Variants in CSGALNACT1 observed in about 807,000 individuals in gnomAD.
CSGALNACT1 encodes the protein beta4GalNAcT-1.
A neutral mutation model predicts 51.0 loss-of-function variants in CSGALNACT1; 52 were observed. The ratio of observed to expected loss-of-function variants is 1.02; its 90% CI spans 0.82 to 1.29. The LOEUF is 1.29. Ranked by LOEUF, CSGALNACT1 falls within the 50% of genes most tolerant of loss-of-function variation. CSGALNACT1 has a pLI of 0.00. For synonymous variants in CSGALNACT1, 341 were observed against 254.4 expected (o/e 1.34, Z -3.24); for missense variants, 935 against 679.2 (o/e 1.38, Z -4.19).
intron 1 of CSGALNACT1, among the ~76,000 whole-genome samples, chr8:19,672,396 G>A (rs1388982806): frequency 6.6e-6 from 1 of 152,208 alleles, no homozygotes; most frequent in Non-Finnish European, 1.5e-5. Context: ...CAGCCAGGGA[G>A]ATGCCTGGCA....
chr8:19,485,923 C>G (rs1040225491), intron 4 of CSGALNACT1, among the ~76,000 whole-genome samples: 1 of 151,640 alleles, frequency 6.6e-6, no homozygotes, highest in Non-Finnish European at 1.5e-5. Context: ...CACGCCACCA[C>G]ATCTGGCTAA....
In CSGALNACT1 at chr8:19,718,392, G is replaced by A. The variant is rs567036598; in HGVS notation, c.-297+39458C>T. ...GCTGAGTTTACAGGCGTGAGCCACC[G>A]AGCCTGGCCACAGGCTTTCTATTTC... On this transcript the variant is annotated intron_variant, in intron 1 of 1. Coordinates refer to the CSGALNACT1 transcript ENST00000517494. Among the ~76,000 whole-genome samples the A allele has an allele frequency of 2.1e-3, 327 of 152,198 alleles. 1 individual carries two copies. The highest frequency in any genetic ancestry group is 3.2e-3 in the Non-Finnish European group (216 of 68,018).
chr8:19,627,771 G>A (rs986931541), intron 1 of CSGALNACT1, among the ~76,000 whole-genome samples: 1 of 152,184 alleles, frequency 6.6e-6, no homozygotes, highest in Non-Finnish European at 1.5e-5. Flanking sequence ...GCTGCAGTGA[G>A]CTATGGTTAC....
chr8:19,443,246 G>A lies in CSGALNACT1; in HGVS notation c.852-3315C>T, dbSNP rs375777691. 2.6e-4 allele frequency among the ~76,000 whole-genome samples: 39 copies of A among 152,306 alleles called. No homozygotes were observed. In the East Asian group the frequency reaches 2.9e-3, roughly 11 times the overall value. ...TATGTATATGTGTATGTATGTAAACGCAGGTGTGTATGTGTAAATGTGAAT... is the reference window on the plus strand; with the variant it reads ...TATGTATATGTGTATGTATGTAAACACAGGTGTGTATGTGTAAATGTGAAT... On this transcript the variant is annotated intron_variant, in intron 5 of 9. Coordinates refer to ENST00000454498, the Ensembl canonical transcript of CSGALNACT1.
At chr8:19,557,867 C>T (rs1037249646) in intron 3 of CSGALNACT1, among the ~76,000 whole-genome samples, 2 of 152,208 alleles carry the variant, frequency 1.3e-5, no homozygotes, top group African/African-American at 4.8e-5. Context: ...TCAGTACATA[C>T]AACAGTATCT....
intron 5 of CSGALNACT1, among the ~76,000 whole-genome samples, chr8:19,452,560 C>G (rs1297952053): frequency 6.6e-6 from 1 of 152,094 alleles, no homozygotes; most frequent in Non-Finnish European, 1.5e-5. Flanking sequence ...ATGCATCTCC[C>G]CCACATCCCA....
intron 3 of CSGALNACT1, among the ~76,000 whole-genome samples, chr8:19,558,141 C>T (rs540902583): frequency 2.6e-5 from 4 of 152,180 alleles, no homozygotes; most frequent in Admixed American, 1.3e-4. Context: ...TGATCACCAC[C>T]ACAGAATGTT....
At chr8:19,448,670 G>A (rs1282894465) in intron 5 of CSGALNACT1, among the ~76,000 whole-genome samples, 8 of 152,082 alleles carry the variant, frequency 5.3e-5, no homozygotes, top group South Asian at 2.1e-4. Context: ...TAGCCACCCC[G>A]CACATGAACA....
upstream of CSGALNACT1, among the ~76,000 whole-genome samples, chr8:19,685,824 A>G (rs1448581200): frequency 6.6e-6 from 1 of 152,158 alleles, no homozygotes; most frequent in Non-Finnish European, 1.5e-5. Flanking sequence ...AAGGAGTGGG[A>G]AGAGGTAGTT....
intron 5 of CSGALNACT1, among the ~76,000 whole-genome samples, chr8:19,441,048 A>AC (rs1289347648): frequency 6.6e-6 from 1 of 152,182 alleles, no homozygotes; most frequent in Non-Finnish European, 1.5e-5. Flanking sequence ...ACTACAAACC[A>AC]CTGCTCAATG....
intron 1 of CSGALNACT1, among the ~76,000 whole-genome samples, chr8:19,666,976 AAAG>A (rs2059340204): frequency 1.9e-4 from 2 of 10,714 alleles, no homozygotes; most frequent in Non-Finnish European, 1.7e-4. Context: ...AGAAAGAAAG[AAAG>A]AAAGAAAGAA....
At chr8:19,474,029 C>T (rs1446533725) in intron 4 of CSGALNACT1, among the ~76,000 whole-genome samples, 2 of 152,236 alleles carry the variant, frequency 1.3e-5, no homozygotes, top group Non-Finnish European at 2.9e-5. Context: ...TCATTTATCT[C>T]AAACTGGTAC....
intron 4 of CSGALNACT1, among the ~76,000 whole-genome samples, chr8:19,472,887 T>G (rs1002727964): frequency 1.3e-5 from 2 of 152,230 alleles, no homozygotes; most frequent in Non-Finnish European, 2.9e-5. Flanking sequence ...AGGGTTACTT[T>G]GAAGATTAAA....
intron 1 of CSGALNACT1, chr8:19,641,706 A>G (rs1006637648): frequency 2.0e-5 from 3 of 152,208 alleles, no homozygotes; most frequent in Non-Finnish European, 4.4e-5. Context: ...CCTTAAATGC[A>G]TTTACAAAAC....
chr8:19,618,492 T>C (rs1040051323), intron 1 of CSGALNACT1, among the ~76,000 whole-genome samples: 2 of 151,254 alleles, frequency 1.3e-5, no homozygotes, highest in African/African-American at 4.8e-5. Flanking sequence ...ATATAAAAAT[T>C]AGCCAGGCTC....
chr8:19,596,364 A>C (rs1023420378), intron 2 of CSGALNACT1, among the ~76,000 whole-genome samples: 33 of 152,238 alleles, frequency 2.2e-4, no homozygotes, highest in African/African-American at 7.7e-4. Flanking sequence ...AAAAAGCCTA[A>C]AGCAGTTGGC....
At chr8:19,725,854 C>G (rs1302642556) in intron 1 of CSGALNACT1, among the ~76,000 whole-genome samples, 3 of 152,158 alleles carry the variant, frequency 2.0e-5, no homozygotes, top group Non-Finnish European at 4.4e-5. Flanking sequence ...CTCACATACC[C>G]TAGCAGAGTG....
intron 1 of CSGALNACT1, among the ~76,000 whole-genome samples, chr8:19,619,248 C>CGG (rs58524593): frequency 3.1e-3 from 130 of 41,424 alleles, no homozygotes; most frequent in African/African-American, 8.5e-3. Flanking sequence ...TAGACAGGGT[C>CGG]GGGGGGGGGT....
At chr8:19,666,667 C>T (rs1478776059) in intron 1 of CSGALNACT1, among the ~76,000 whole-genome samples, 1 of 149,996 alleles carries the variant, frequency 6.7e-6, no homozygotes, top group Non-Finnish European at 1.5e-5. Context: ...TACTGCACTC[C>T]AGCCTAATTG....
Sources: allele counts gnomAD v4.1 joint callset (sites outside exome capture counted in the v4.1 genomes callset), GRCh38; gene constraint gnomAD v4.1.1; transcripts MANE v1.5; gene names NCBI Gene and HGNC (gene_info 2026-07-23, HGNC 2026-07-21).